Variants in CDC73 observed in about 807,000 individuals in gnomAD.
CDC73 encodes parafibromin.
A neutral mutation model predicts 83.7 loss-of-function variants in CDC73; 21 were observed. The ratio of observed to expected loss-of-function variants is 0.25; its 90% CI spans 0.18 to 0.36. The LOEUF is 0.36. Ranked by LOEUF, CDC73 falls within the 10% of genes least tolerant of loss-of-function variation. The pLI, the probability that CDC73 is intolerant of heterozygous loss-of-function variation, is 1.00. For missense variants in CDC73, 342 were observed against 653.3 expected (o/e 0.52, Z 5.19); for synonymous variants, 224 against 212.9 (o/e 1.05, Z -0.45).
At chr1:193,249,934 T>A in intron 16 of CDC73, 63 bp downstream of exon 16, 1 of 1,522,698 alleles carries the variant, frequency 6.6e-7, no homozygotes, top group Non-Finnish European at 9.1e-7. Context: ...CTCAGTTAAA[T>A]TTTAAGTTCC....
At chr1:193,140,564 G>A (rs910090740) in intron 6 of CDC73, among the ~76,000 whole-genome samples, 2 of 152,162 alleles carry the variant, frequency 1.3e-5, no homozygotes, top group Non-Finnish European at 2.9e-5. Context: ...TGGGGCCATT[G>A]TTAGGTAAAA....
At chr1:193,195,147 C>G (rs1198803073) in intron 10 of CDC73, among the ~76,000 whole-genome samples, 1 of 152,038 alleles carries the variant, frequency 6.6e-6, no homozygotes, top group African/African-American at 2.4e-5. Context: ...ATATTCAGAC[C>G]ATCATTGAAT....
intron 13 of CDC73, among the ~76,000 whole-genome samples, chr1:193,221,140 C>T (rs1317525331): frequency 4.0e-5 from 6 of 151,874 alleles, no homozygotes; most frequent in Non-Finnish European, 1.5e-5. Context: ...ATAATGAGTA[C>T]TAAGTAAATA....
At chr1:193,163,151 T>TTTTG (rs1676370498) in intron 10 of CDC73, among the ~76,000 whole-genome samples, 1 of 39,826 alleles carries the variant, frequency 2.5e-5, no homozygotes, top group African/African-American at 4.5e-5. Context: ...CTTTGTGGGG[T>TTTTG]TGTGTGTGTG....
At position 193,251,381 on chromosome 1, in the gene CDC73, A is replaced by G. The variant is rs1357340431; in HGVS notation, c.*669A>G. On this transcript the variant is annotated 3_prime_UTR_variant, in exon 17 of 17. Coordinates refer to ENST00000367435, the MANE Select transcript of CDC73 (RefSeq NM_024529.5). ...CTAGAATGATGTGTTTCTATCTGTA[A>G]TATCTTTCCATTTGAAAAAAATCTC... The G allele has an allele frequency of 8.6e-6, 2 of 231,918 alleles. No individual in the cohort carries two copies. The highest frequency in any genetic ancestry group is 2.2e-5 in the African/African-American group (1 of 45,264). 14.4% of individuals were successfully genotyped at this position (231,918 alleles called of 1,614,324 possible).
At chr1:193,206,394 C>T (rs184857382) in intron 11 of CDC73, among the ~76,000 whole-genome samples, 202 of 152,262 alleles carry the variant, frequency 1.3e-3, no homozygotes, top group African/African-American at 4.6e-3. Context: ...ACATTTCCTA[C>T]CCATCATTCT....
Position 193,216,454 on chromosome 1 carries a change from CT to C in CDC73, c.1154+3978del, listed in dbSNP as rs1475559094. 3.3e-5 allele frequency among the ~76,000 whole-genome samples: 5 copies of C among 151,974 alleles called. No individual in the cohort carries two copies. In the East Asian group the frequency reaches 9.7e-4, roughly 29 times the overall value. ...GAATTTGAATCAGTAGAAAAGAATCCTACCAACCGGAAGCCCCCCAACCCCA... is the reference window on the plus strand; with the variant it reads ...GAATTTGAATCAGTAGAAAAGAATCCACCAACCGGAAGCCCCCCAACCCCA... On this transcript the variant is annotated intron_variant, in intron 13 of 16. Coordinates refer to ENST00000367435, the MANE Select transcript of CDC73 (RefSeq NM_024529.5).
chr1:193,152,942 A>G (rs1020601649), intron 10 of CDC73, among the ~76,000 whole-genome samples: 2 of 151,808 alleles, frequency 1.3e-5, no homozygotes, highest in African/African-American at 4.8e-5. Flanking sequence ...CACCATGCCC[A>G]GCTAATTTTC....
chr1:193,195,510 A>G (rs1162734710), intron 10 of CDC73, among the ~76,000 whole-genome samples: 4 of 152,158 alleles, frequency 2.6e-5, no homozygotes, highest in Admixed American at 6.5e-5. Flanking sequence ...TTTTGGATAT[A>G]TATACTCAAA....
At chr1:193,122,979 T>C (rs754317170) in intron 1 of CDC73, among the ~76,000 whole-genome samples, 1 of 152,148 alleles carries the variant, frequency 6.6e-6, no homozygotes, top group Non-Finnish European at 1.5e-5. Flanking sequence ...TTTTCGGAAG[T>C]GTATTTTAAA....
chr1:193,215,272 TTGAAA>T (rs1337023514), intron 13 of CDC73, among the ~76,000 whole-genome samples: 1 of 152,228 alleles, frequency 6.6e-6, no homozygotes, highest in East Asian at 1.9e-4. Context: ...TATAAACAAC[TTGAAA>T]TGTATTGTTT....
At chr1:193,159,855 C>CTT (rs1676278979) in intron 10 of CDC73, among the ~76,000 whole-genome samples, 2 of 152,190 alleles carry the variant, frequency 1.3e-5, no homozygotes, top group African/African-American at 2.4e-5. Flanking sequence ...TCATGCCTTC[C>CTT]TTGTAGTAAG....
intron 2 of CDC73, among the ~76,000 whole-genome samples, chr1:193,127,488 T>TG (rs1158256649): frequency 6.6e-6 from 1 of 152,134 alleles, no homozygotes; most frequent in African/African-American, 2.4e-5. Context: ...AGCTCCGTCT[T>TG]TAAGGTTATT....
At chr1:193,187,349 A>G (rs1260851488) in intron 10 of CDC73, among the ~76,000 whole-genome samples, 4 of 152,172 alleles carry the variant, frequency 2.6e-5, no homozygotes, top group African/African-American at 9.7e-5. Flanking sequence ...ACACTTGTAC[A>G]GGATCTGGGG....
At chr1:193,150,236 A>G (rs1572160213) in intron 8 of CDC73, 68 bp from the exon 9 acceptor site, 6 of 1,116,804 alleles carry the variant, frequency 5.4e-6, no homozygotes, top group Non-Finnish European at 6.8e-6. Flanking sequence ...ATGCTACTGC[A>G]CTCCAGCACA....
chr1:193,129,754 C>G (rs1041901598), intron 2 of CDC73, among the ~76,000 whole-genome samples: 1 of 152,076 alleles, frequency 6.6e-6, no homozygotes, highest in Non-Finnish European at 1.5e-5. Flanking sequence ...CTCAGGTGAT[C>G]CACCCACCTC....
chr1:193,204,458 T>G (rs1250787182), intron 11 of CDC73, among the ~76,000 whole-genome samples: 1 of 150,832 alleles, frequency 6.6e-6, no homozygotes, highest in Non-Finnish European at 1.5e-5. Context: ...CCCGGCTAAT[T>G]TTTTGTATTT....
chr1:193,133,162 A>G (rs1039013108), intron 3 of CDC73, among the ~76,000 whole-genome samples: 1 of 152,084 alleles, frequency 6.6e-6, no homozygotes, highest in Non-Finnish European at 1.5e-5. Context: ...CGGCCTCCCA[A>G]AGTGCTGGGA....
At chr1:193,168,674 C>T (rs1676472268) in intron 10 of CDC73, among the ~76,000 whole-genome samples, 1 of 152,078 alleles carries the variant, frequency 6.6e-6, no homozygotes, top group African/African-American at 2.4e-5. Flanking sequence ...CAGGCGCCTG[C>T]CACCATGGCT....
Sources: allele counts gnomAD v4.1 joint callset (sites outside exome capture counted in the v4.1 genomes callset), GRCh38; gene constraint gnomAD v4.1.1; transcripts MANE v1.5; gene names NCBI Gene and HGNC (gene_info 2026-07-23, HGNC 2026-07-21).